TYW1B: variants seen among roughly 807,000 people sequenced by gnomAD.
The protein encoded by TYW1B is tRNA-yW synthesizing protein 1 homolog B.
In TYW1B, 73 loss-of-function variants were observed where a neutral mutation model predicts 86.9. The observed-to-expected ratio is 0.84, with a 90% CI of 0.70 to 1.02. The LOEUF (loss-of-function observed/expected upper bound fraction) is 1.02. Ranked by LOEUF, TYW1B falls within the 50% of genes least tolerant of loss-of-function variation. The pLI is 0.00. For synonymous variants in TYW1B, 248 were observed against 292.8 expected (o/e 0.85, Z 1.56); for missense variants, 637 against 827.4 (o/e 0.77, Z 2.82).
intron 13 of TYW1B, among the ~76,000 whole-genome samples, chr7:72,608,813 G>A (rs754122565): frequency 8.5e-5 from 13 of 152,158 alleles, no homozygotes; most frequent in Non-Finnish European, 1.3e-4. Context: ...GGAGATTAGC[G>A]GTTGCCAGAG....
At chr7:72,586,638 G>A (rs1811283868) in intron 13 of TYW1B, among the ~76,000 whole-genome samples, 1 of 152,274 alleles carries the variant, frequency 6.6e-6, no homozygotes, top group East Asian at 1.9e-4. Context: ...GTAGGAGGCT[G>A]AGGCAGGAGA....
intron 8 of TYW1B, among the ~76,000 whole-genome samples, chr7:72,738,618 G>A (rs1191480748): frequency 2.6e-5 from 4 of 152,036 alleles, no homozygotes; most frequent in Admixed American, 2.6e-4. Context: ...AAAATATCTC[G>A]AGACATTGTC....
rs1466706981 is a variant in TYW1B at position 72,619,364 on chromosome 7, G to A, written c.1618-2525C>T. Among the ~76,000 whole-genome samples, 16 of 152,122 alleles carry A rather than the reference G, an allele frequency of 1.1e-4. No homozygotes were observed. In the East Asian group the frequency reaches 2.3e-3, roughly 22 times the overall value. On this transcript the variant is annotated intron_variant, in intron 12 of 13. Coordinates refer to ENST00000620995, the MANE Select transcript of TYW1B (RefSeq NM_001145440.3). ...ATGGTTCAAGAAATCATTACGGGCCGGGCGCGGTGGCTCACGCCTGTAATC... is the reference window on the plus strand; with the variant it reads ...ATGGTTCAAGAAATCATTACGGGCCAGGCGCGGTGGCTCACGCCTGTAATC...
At chr7:72,712,747 T>C (rs1381577975) in intron 10 of TYW1B, among the ~76,000 whole-genome samples, 20 of 152,188 alleles carry the variant, frequency 1.3e-4, no homozygotes, top group Admixed American at 1.2e-3. Context: ...GTCTCCCCAA[T>C]TGCATACCAT....
At chr7:72,823,403 C>T (rs13307586) in intron 2 of TYW1B, among the ~76,000 whole-genome samples, 1 of 151,836 alleles carries the variant, frequency 6.6e-6, no homozygotes, top group Non-Finnish European at 1.5e-5. Context: ...GGGCAGATCA[C>T]GAGGTCAGGA....
At chr7:72,757,714 G>A (rs1787616619) in intron 7 of TYW1B, among the ~76,000 whole-genome samples, 1 of 152,154 alleles carries the variant, frequency 6.6e-6, no homozygotes, top group African/African-American at 2.4e-5. Flanking sequence ...CATGAAGAGA[G>A]GGCTATCATG....
intron 13 of TYW1B, among the ~76,000 whole-genome samples, chr7:72,615,340 G>T (rs1229950169): frequency 1.3e-5 from 2 of 152,178 alleles, no homozygotes; most frequent in Non-Finnish European, 2.9e-5. Context: ...AAGATCAATG[G>T]ACTAGAGGGA....
intron 13 of TYW1B, among the ~76,000 whole-genome samples, chr7:72,608,421 G>A (rs1314328701): frequency 6.6e-6 from 1 of 152,100 alleles, no homozygotes; most frequent in African/African-American, 2.4e-5. Flanking sequence ...GATTTAAGAG[G>A]GGTAAAGTTT....
At position 72,697,031 on chromosome 7, in the gene TYW1B, T is replaced by TAAAA. The variant is rs781801843; in HGVS notation, c.1371-2213_1371-2210dup. 8.0e-4 allele frequency among the ~76,000 whole-genome samples: 110 copies of TAAAA among 137,900 alleles called. 1 individual carries two copies. The highest frequency in any genetic ancestry group is 2.5e-3 in the African/African-American group (92 of 36,272). The allele number at this position is 137,900 out of a possible 152,430, so 90.5% of individuals were successfully genotyped here. ...ATGCTTCCTTAACTGGATTTCTACTTAAAAAAAAAAAAAAAAAAAAAAAAA... is the reference window on the plus strand; with the variant it reads ...ATGCTTCCTTAACTGGATTTCTACTTAAAAAAAAAAAAAAAAAAAAAAAAAAAAA... On this transcript the variant is annotated intron_variant, in intron 10 of 13. Coordinates refer to ENST00000620995, the MANE Select transcript of TYW1B (RefSeq NM_001145440.3).
chr7:72,658,841 C>T (rs1469065341), intron 11 of TYW1B, among the ~76,000 whole-genome samples: 3 of 152,124 alleles, frequency 2.0e-5, no homozygotes, highest in African/African-American at 7.2e-5. Flanking sequence ...CTGTCTCGGC[C>T]TCCCAAGCAG....
chr7:72,772,962 G>C (rs570484594), intron 7 of TYW1B, among the ~76,000 whole-genome samples: 1 of 152,222 alleles, frequency 6.6e-6, no homozygotes, highest in South Asian at 2.1e-4. Context: ...ATAAACAAAG[G>C]ACTGCTTATA....
At chr7:72,643,586 T>C (rs1812855868) in intron 11 of TYW1B, among the ~76,000 whole-genome samples, 1 of 149,898 alleles carries the variant, frequency 6.7e-6, no homozygotes. Context: ...GACTCCATCT[T>C]AAAAGAAAAA....
At chr7:72,790,595 C>T (rs1180945976) in intron 6 of TYW1B, among the ~76,000 whole-genome samples, 1 of 152,182 alleles carries the variant, frequency 6.6e-6, no homozygotes, top group Non-Finnish European at 1.5e-5. Context: ...TTGCTTCTGG[C>T]TGGTAAATGA....
intron 11 of TYW1B, among the ~76,000 whole-genome samples, chr7:72,651,528 T>C (rs1390805236): frequency 3.3e-5 from 5 of 152,070 alleles, no homozygotes; most frequent in Admixed American, 1.3e-4. Context: ...GGCAGGAGAA[T>C]TGCTTGAACC....
At chr7:72,613,447 G>A (rs183979387) in intron 13 of TYW1B, among the ~76,000 whole-genome samples, 5 of 111,342 alleles carry the variant, frequency 4.5e-5, no homozygotes, top group Non-Finnish European at 6.6e-5. Context: ...TCACCCTTTC[G>A]CCCAGGCTGG....
In TYW1B at chr7:72,632,367, G is replaced by GTATATATAT. The variant is rs1195035421; in HGVS notation, c.1507-3371_1507-3370insATATATATA. ...TATATTATATATATTATATATATAC[G>GTATATATAT]CATATATATTATATATATACGTATA... On this transcript the variant is annotated intron_variant, in intron 11 of 13. Transcript: ENST00000620995. Among the ~76,000 whole-genome samples, 520 of 60,084 alleles carry GTATATATAT rather than the reference G, an allele frequency of 8.7e-3. 12 individuals are homozygous for GTATATATAT. The highest frequency in any genetic ancestry group is 0.046 in the African/African-American group (486 of 10,668). The allele number at this position is 60,084 out of a possible 152,430, so 39.4% of individuals were successfully genotyped here. A position where few individuals can be genotyped will look rare whatever the true frequency, so the allele number is the denominator to read the frequency against.
At chr7:72,749,293 CTTGAG>C (rs778754707) in intron 7 of TYW1B, among the ~76,000 whole-genome samples, 10 of 151,890 alleles carry the variant, frequency 6.6e-5, no homozygotes, top group Non-Finnish European at 7.4e-5. Context: ...ATATTGATGA[CTTGAG>C]TTTTCTTTTT....
At chr7:72,756,103 G>T (rs1787582681) in intron 7 of TYW1B, among the ~76,000 whole-genome samples, 1 of 152,162 alleles carries the variant, frequency 6.6e-6, no homozygotes, top group South Asian at 2.1e-4. Flanking sequence ...ACATAAGTAT[G>T]AACCCAGGAT....
At chr7:72,597,579 G>A (rs1811567083) in intron 13 of TYW1B, among the ~76,000 whole-genome samples, 1 of 151,740 alleles carries the variant, frequency 6.6e-6, no homozygotes, top group South Asian at 2.1e-4. Flanking sequence ...GTACCACCCT[G>A]AACGCACCCG....
Sources: gnomAD v4.1 joint callset for allele counts (sites outside exome capture counted in the v4.1 genomes callset) on GRCh38, gnomAD v4.1.1 for gene constraint, MANE v1.5 for transcripts, NCBI Gene and HGNC (gene_info 2026-07-23, HGNC 2026-07-21) for gene names.